Variants in CNKSR2 observed in about 807,000 individuals in gnomAD.
CNKSR2 encodes the protein CNK homolog protein 2.
CNKSR2 carries 14 observed loss-of-function variants against 84.4 expected under a neutral mutation model. The ratio of observed to expected loss-of-function variants is 0.17; its 90% CI spans 0.11 to 0.26. CNKSR2 has a LOEUF of 0.26. Ranked by LOEUF, CNKSR2 falls within the 10% of genes least tolerant of loss-of-function variation. The pLI, the probability that CNKSR2 is intolerant of heterozygous loss-of-function variation, is 1.00. For synonymous variants in CNKSR2, 275 were observed against 277.9 expected (o/e 0.99, Z 0.10); for missense variants, 485 against 771.2 (o/e 0.63, Z 4.40).
chrX:21,575,250 A>G (rs778472494), intron 13 of CNKSR2, among the ~76,000 whole-genome samples: 1 of 111,423 alleles, frequency 9.0e-6, no homozygotes. Context: ...TCCACAAAAA[A>G]TTAGTTCACT....
intron 13 of CNKSR2, among the ~76,000 whole-genome samples, chrX:21,574,094 T>C (rs2092303220): frequency 9.0e-6 from 1 of 110,954 alleles, no homozygotes; most frequent in South Asian, 3.8e-4. Context: ...ACAGCAAGAG[T>C]CACCTTTGCT....
In CNKSR2 at chrX:21,386,428, T is replaced by C. The variant is rs188462945; in HGVS notation, c.64+11467T>C. On this transcript the variant is annotated intron_variant, in intron 1 of 21. Transcript: ENST00000379510. The stretch of plus-strand genomic sequence containing the variant: ...TTAATCATAATTAGTTAAAAAACTA[T>C]TGTGAAATAAATGCAAAATATGGAG... 1.5e-3 allele frequency among the ~76,000 whole-genome samples: 170 copies of C among 112,206 alleles called. 1 individual carries two copies. Among genetic ancestry groups the C allele is most frequent in the African/African-American group, 4.8e-3 (147 of 30,943 alleles).
At chrX:21,382,694 ATTATC>A (rs1410814496) in intron 1 of CNKSR2, among the ~76,000 whole-genome samples, 1 of 111,608 alleles carries the variant, frequency 9.0e-6, no homozygotes, top group African/African-American at 3.2e-5. Flanking sequence ...TAATGAAACC[ATTATC>A]TTATTTATTA....
intron 13 of CNKSR2, among the ~76,000 whole-genome samples, chrX:21,563,885 T>C (rs1446648645): frequency 9.0e-6 from 1 of 110,706 alleles, no homozygotes; most frequent in Non-Finnish European, 1.9e-5. Context: ...AGACACCATT[T>C]TATGGGGAGA....
At chrX:21,575,332 A>T (rs983074816) in intron 13 of CNKSR2, among the ~76,000 whole-genome samples, 1 of 107,856 alleles carries the variant, frequency 9.3e-6, no homozygotes, top group Non-Finnish European at 1.9e-5. Flanking sequence ...TTTTTTTATT[A>T]AAAAAAAAAT....
At chrX:21,509,531 G>C (rs756295291) in intron 8 of CNKSR2, among the ~76,000 whole-genome samples, 4 of 111,612 alleles carry the variant, frequency 3.6e-5, no homozygotes, top group Non-Finnish European at 5.7e-5. Context: ...ACCTATTTAA[G>C]TTACTCTAAG....
At chrX:21,642,338 G>C in intron 20 of CNKSR2, 2 of 749,844 alleles carry the variant, frequency 2.7e-6, no homozygotes, top group South Asian at 1.4e-4. Context: ...TACAAGTGGT[G>C]TTGCCTCTTA....
rs938994759 is a variant in CNKSR2 at position 21,470,779 on chromosome X, A to G, written c.533A>G (p.Tyr178Cys). 9.9e-7 allele frequency: 1 copy of G among 1,014,441 alleles called. No homozygotes were observed. Among genetic ancestry groups the G allele is most frequent in the Non-Finnish European group, 1.3e-6 (1 of 741,151 alleles). 83.6% of individuals were successfully genotyped at this position (1,014,441 alleles called of 1,213,427 possible). ...CTTTTTTTTCAGGATTGTACTGTAT[A>G]TGAAACAGAGAATAAAATTCTTCAC... is the stretch of plus-strand genomic sequence containing the variant. ...TTIVQQDCTV[Y>C]ETENKILHVC... Residue 178 changes from tyrosine to cysteine, a missense_variant, in exon 5 of 22, where the codon TAT (tyrosine) becomes TGT (cysteine). This residue lies in a region of CNKSR2 where 109 missense variants were observed against 197.5 expected (regional missense o/e 0.55). Coordinates refer to ENST00000379510, the MANE Select transcript of CNKSR2 (RefSeq NM_014927.5).
chrX:21,387,280 G>A (rs776485473), intron 1 of CNKSR2, among the ~76,000 whole-genome samples: 28 of 111,277 alleles, frequency 2.5e-4, no homozygotes, highest in African/African-American at 3.3e-4. Flanking sequence ...TCAGGAGGTC[G>A]AGATCAGCCT....
At chrX:21,506,067 A>G (rs769379346) in intron 8 of CNKSR2, 2 of 111,158 alleles carry the variant, frequency 1.8e-5, no homozygotes, top group South Asian at 3.8e-4. Context: ...AATTCCATAT[A>G]CCTAAGATAC....
chrX:21,467,111 A>G (rs1264459589), intron 4 of CNKSR2, among the ~76,000 whole-genome samples: 1 of 111,833 alleles, frequency 8.9e-6, no homozygotes, highest in Admixed American at 9.5e-5. Flanking sequence ...CTGGCAGATA[A>G]TGTTATAAAA....
At chrX:21,583,835 G>C (rs979464027) in intron 13 of CNKSR2, among the ~76,000 whole-genome samples, 2 of 111,633 alleles carry the variant, frequency 1.8e-5, no homozygotes, top group African/African-American at 6.5e-5. Context: ...AAAGAGTGGG[G>C]AATGAAGTTT....
chrX:21,650,982 T>A (rs1602076267), intron 21 of CNKSR2, among the ~76,000 whole-genome samples: 1 of 111,846 alleles, frequency 8.9e-6, no homozygotes, highest in Middle Eastern at 4.6e-3. Flanking sequence ...AGTTCTAAAC[T>A]GCCTGGTTTA....
intron 3 of CNKSR2, among the ~76,000 whole-genome samples, chrX:21,439,535 A>G (rs1386797111): frequency 9.0e-6 from 1 of 111,105 alleles, no homozygotes; most frequent in Non-Finnish European, 1.9e-5. Flanking sequence ...AATAAGAACA[A>G]AATAAGTACG....
chrX:21,416,390 G>T (rs2147027899), intron 1 of CNKSR2, among the ~76,000 whole-genome samples: 1 of 111,218 alleles, frequency 9.0e-6, no homozygotes, highest in Admixed American at 9.6e-5. Context: ...AGATATATTG[G>T]CCTGTAGTTT....
chrX:21,492,215 C>T (rs1018576609), intron 6 of CNKSR2: 1 of 111,238 alleles, frequency 9.0e-6, no homozygotes, highest in African/African-American at 3.3e-5. Context: ...AATTAATGGG[C>T]TTTATGAAAT....
At chrX:21,549,505 A>G (rs1045503197) in intron 11 of CNKSR2, among the ~76,000 whole-genome samples, 2 of 111,974 alleles carry the variant, frequency 1.8e-5, no homozygotes, top group Non-Finnish European at 3.8e-5. Flanking sequence ...TAATTTATAG[A>G]TTAAATGCTA....
In CNKSR2 at chrX:21,557,631, A is replaced by C. The variant is rs768993338; in HGVS notation, c.1304-3840A>C. Among the ~76,000 whole-genome samples the C allele has an allele frequency of 8.1e-5, 9 of 111,342 alleles. No homozygotes were observed. The Admixed American group carries it at 8.6e-4, about 11-fold the overall frequency. On this transcript the variant is annotated intron_variant, in intron 11 of 21. Transcript: ENST00000379510. ...AGGCTTATGATAGGGTGCCAAATGA[A>C]CTCTGCAATTAATGCATGCTTTATA...
At chrX:21,521,028 A>G (rs1234992781) in intron 9 of CNKSR2, among the ~76,000 whole-genome samples, 1 of 110,639 alleles carries the variant, frequency 9.0e-6, no homozygotes, top group East Asian at 2.8e-4. Flanking sequence ...TGGTGTAACA[A>G]CTGGAGAATG....
Sources: allele counts gnomAD v4.1 joint callset (sites outside exome capture counted in the v4.1 genomes callset), GRCh38; gene constraint gnomAD v4.1.1; regional missense constraint gnomAD v4.1.1; transcripts MANE v1.5; gene names NCBI Gene and HGNC (gene_info 2026-07-23, HGNC 2026-07-21).